Variants in LAMA2 observed in about 807,000 individuals in gnomAD.
The protein encoded by LAMA2 is laminin subunit alpha-2.
Under a neutral mutation model 364.8 loss-of-function variants are expected in LAMA2, and 269 were observed. The ratio of observed to expected loss-of-function variants is 0.74; its 90% CI spans 0.67 to 0.82. LAMA2 has a LOEUF of 0.82. LAMA2 is among the 40% of genes least tolerant of loss of function. The pLI is 0.00. For synonymous variants in LAMA2, 1,379 were observed against 1,370.6 expected, an observed-to-expected ratio of 1.01 and a Z score of -0.14; for missense variants, 3,807 against 3,873.2, an observed-to-expected ratio of 0.98 and a Z score of 0.45.
intron 4 of LAMA2, among the ~76,000 whole-genome samples, chr6:129,130,429 CT>C (rs1476244450): frequency 3.9e-5 from 6 of 152,192 alleles, no homozygotes. Context: ...ACTCACTTTT[CT>C]TTTTCTTAAA....
intron 1 of LAMA2, among the ~76,000 whole-genome samples, chr6:128,970,487 C>T (rs1399054800): frequency 6.6e-6 from 1 of 152,122 alleles, no homozygotes; most frequent in East Asian, 1.9e-4. Flanking sequence ...AAGAAGATGA[C>T]TTATTTGAGG....
At chr6:129,346,979 G>T (rs1262625127) in intron 30 of LAMA2, among the ~76,000 whole-genome samples, 2 of 152,132 alleles carry the variant, frequency 1.3e-5, no homozygotes, top group Non-Finnish European at 2.9e-5. Context: ...CACTGCACTG[G>T]CCCTGAGACA....
At chr6:128,955,653 TA>T (rs1219119695) in intron 1 of LAMA2, among the ~76,000 whole-genome samples, 2 of 151,962 alleles carry the variant, frequency 1.3e-5, no homozygotes, top group Non-Finnish European at 2.9e-5. Flanking sequence ...TTGGGTTTAA[TA>T]AAACCCCCAA....
At chr6:129,183,390 A>C (rs1463394379) in intron 10 of LAMA2, among the ~76,000 whole-genome samples, 2 of 152,036 alleles carry the variant, frequency 1.3e-5, no homozygotes, top group Non-Finnish European at 2.9e-5. Context: ...TATAATAGAA[A>C]GATAAATAGT....
chr6:129,262,529 A>C (rs190638445), intron 15 of LAMA2, among the ~76,000 whole-genome samples: 2 of 152,318 alleles, frequency 1.3e-5, no homozygotes, highest in Admixed American at 1.3e-4. Context: ...TGTATCTGTC[A>C]CACAATAATT....
rs141920360 is a variant in LAMA2, at chr6:129,291,695, A to G, written c.2831A>G (p.Gln944Arg). ...TGQCECRANV[Q>R]GQRCDKCKAG... ...CAGTGTGAGTGCAGAGCCAACGTTCAGGGTCAGAGATGTGACAAATGCAAG... is the reference window on the plus strand; with the variant it reads ...CAGTGTGAGTGCAGAGCCAACGTTCGGGGTCAGAGATGTGACAAATGCAAG... The change falls in exon 20 of 65, where the codon CAG (glutamine) becomes CGG (arginine). Residue 944 changes from glutamine (Q) to arginine (R), a missense_variant. Transcript: ENST00000421865. 5.4e-5 allele frequency: 87 copies of G among 1,613,644 alleles called. No individual in the cohort carries two copies. The highest frequency in any genetic ancestry group is 3.3e-4 in the Middle Eastern group (2 of 6,084).
chr6:129,445,505 A>G (rs995581763), intron 44 of LAMA2, among the ~76,000 whole-genome samples, 162 bp from the exon 45 acceptor site: 1 of 152,234 alleles, frequency 6.6e-6, no homozygotes, highest in Non-Finnish European at 1.5e-5. Context: ...AGTCTCAACT[A>G]AAATATTGAC....
chr6:129,175,857 T>C (rs1780553469), intron 9 of LAMA2, among the ~76,000 whole-genome samples: 1 of 152,152 alleles, frequency 6.6e-6, no homozygotes, highest in Non-Finnish European at 1.5e-5. Flanking sequence ...AAAAATTAAC[T>C]ATCATTAAAA....
intron 12 of LAMA2, among the ~76,000 whole-genome samples, chr6:129,219,338 A>G (rs1279066791): frequency 6.6e-6 from 1 of 152,100 alleles, no homozygotes; most frequent in Admixed American, 6.6e-5. Flanking sequence ...CAGATGCTGG[A>G]GAGGATGTGG....
chr6:129,326,107 T>TG (rs1332927120), intron 28 of LAMA2, among the ~76,000 whole-genome samples: 1 of 152,230 alleles, frequency 6.6e-6, no homozygotes, highest in Non-Finnish European at 1.5e-5. Flanking sequence ...CCCAAAATGC[T>TG]GGGATTACAG....
chr6:129,213,173 T>C (rs1022815043), intron 12 of LAMA2, among the ~76,000 whole-genome samples: 3 of 152,212 alleles, frequency 2.0e-5, no homozygotes, highest in African/African-American at 7.2e-5. Context: ...AATATGCCTG[T>C]AAGGTTCCGC....
At position 129,465,233 on chromosome 6, in the gene LAMA2, A is replaced by G. The variant is rs534471045; in HGVS notation, c.7244A>G (p.Gln2415Arg). 1.2e-6 allele frequency: 2 copies of G among 1,611,830 alleles called. No homozygotes were observed. The highest frequency in any genetic ancestry group is 1.3e-5 in the African/African-American group (1 of 74,920). ...GSGMASVVSN[Q>R]NHNDGKWKSF... Reference sequence around the variant, plus strand: ...GGAATGGCTTCCGTTGTCAGCAATCAAAACCATAATGATGGGAAATGGAAA... The same window carrying G: ...GGAATGGCTTCCGTTGTCAGCAATCGAAACCATAATGATGGGAAATGGAAA... Residue 2415 changes from glutamine (Q) to arginine (R), a missense_variant, in exon 51 of 65, where the codon CAA becomes CGA. Around this residue, in one of 3 missense-constraint regions of LAMA2, gnomAD observed 3,333 missense variants for 3,345.7 expected, o/e 1.00. Transcript: ENST00000421865.
intron 35 of LAMA2, among the ~76,000 whole-genome samples, chr6:129,384,846 T>C (rs926683804): frequency 6.6e-6 from 1 of 151,810 alleles, no homozygotes; most frequent in Non-Finnish European, 1.5e-5. Context: ...TTTTCTAATT[T>C]ATGTGAAGTG....
chr6:129,252,483 A>G (rs571242430), intron 14 of LAMA2, among the ~76,000 whole-genome samples, 188 bp downstream of exon 14: 2 of 152,236 alleles, frequency 1.3e-5, no homozygotes, highest in South Asian at 4.1e-4. Flanking sequence ...ATGCAGAATA[A>G]ATTTGTCTCG....
intron 40 of LAMA2, among the ~76,000 whole-genome samples, chr6:129,426,786 T>A (rs1781346917): frequency 6.6e-6 from 1 of 152,214 alleles, no homozygotes; most frequent in African/African-American, 2.4e-5. Flanking sequence ...AGTTCTGTAA[T>A]CTTTTCTAGT....
chr6:129,405,499 T>C (rs961387298), intron 40 of LAMA2, among the ~76,000 whole-genome samples: 4 of 152,162 alleles, frequency 2.6e-5, no homozygotes, highest in African/African-American at 7.2e-5. Flanking sequence ...GATGGTGAGT[T>C]GTAATGCATT....
At chr6:128,908,209 G>A (rs1411842004) in intron 1 of LAMA2, among the ~76,000 whole-genome samples, 71 of 149,248 alleles carry the variant, frequency 4.8e-4, no homozygotes, top group African/African-American at 1.7e-3. Flanking sequence ...CAGAAGGAAT[G>A]GTACCAGTTC....
intron 1 of LAMA2, among the ~76,000 whole-genome samples, chr6:128,916,961 G>A (rs929153422): frequency 6.6e-6 from 1 of 152,158 alleles, no homozygotes; most frequent in Non-Finnish European, 1.5e-5. Context: ...TTAGGTTTGA[G>A]ATAGCTAGGG....
intron 18 of LAMA2, among the ~76,000 whole-genome samples, chr6:129,287,145 G>C (rs1275873732): frequency 1.4e-5 from 2 of 147,108 alleles, no homozygotes; most frequent in African/African-American, 2.5e-5. Context: ...GGAAGAAAGG[G>C]AGAAAGACCT....
Sources: gnomAD v4.1 joint callset for allele counts (sites outside exome capture counted in the v4.1 genomes callset) on GRCh38, gnomAD v4.1.1 for gene constraint, gnomAD v4.1.1 regional missense constraint, MANE v1.5 for transcripts, NCBI Gene and HGNC (gene_info 2026-07-23, HGNC 2026-07-21) for gene names.